RPS6KA2: variants seen among roughly 807,000 people sequenced by gnomAD.
The protein encoded by RPS6KA2 is ribosomal protein S6 kinase A2.
RPS6KA2 carries 42 observed loss-of-function variants against 91.8 expected under a neutral mutation model. That is an observed-to-expected ratio of 0.46 (90% CI 0.36 to 0.59). The LOEUF (loss-of-function observed/expected upper bound fraction) is 0.59. RPS6KA2 is among the 20% of genes least tolerant of loss of function. RPS6KA2 has a pLI of 0.00. For synonymous variants in RPS6KA2, 414 were observed against 393.6 expected (o/e 1.05, Z -0.61); for missense variants, 798 against 978.5 (o/e 0.82, Z 2.46).
exon 1 of RPS6KA2, chr6:166,862,293 C>T (rs1252298046): frequency 1.3e-6 from 2 of 1,566,682 alleles, no homozygotes; most frequent in Non-Finnish European, 1.7e-6. Context: ...CAGAGGCCGG[C>T]GGGTGGCGGC....
At chr6:166,831,649 C>G (rs993777399) in intron 2 of RPS6KA2, among the ~76,000 whole-genome samples, 17 of 151,078 alleles carry the variant, frequency 1.1e-4, no homozygotes, top group South Asian at 2.1e-4. Flanking sequence ...GGCCTGGGCT[C>G]GGTAGCAAAA....
chr6:166,753,180 G>T (rs981004145), intron 2 of RPS6KA2, among the ~76,000 whole-genome samples: 1 of 152,094 alleles, frequency 6.6e-6, no homozygotes, highest in Non-Finnish European at 1.5e-5. Context: ...CTTGTTCATG[G>T]TTTCACCCCA....
At chr6:166,656,637 C>T (rs2128555835) in intron 2 of RPS6KA2, among the ~76,000 whole-genome samples, 1 of 152,336 alleles carries the variant, frequency 6.6e-6, no homozygotes, top group Non-Finnish European at 1.5e-5. Flanking sequence ...ATGAAGCAGC[C>T]CCGATTTCCC....
chr6:166,688,173 C>T (rs1018472376), intron 2 of RPS6KA2, among the ~76,000 whole-genome samples: 3 of 152,166 alleles, frequency 2.0e-5, no homozygotes, highest in African/African-American at 7.2e-5. Context: ...GCAGGGCTTC[C>T]AGGTTCACTG....
At chr6:166,455,937 G>A (rs1225225723) in intron 12 of RPS6KA2, among the ~76,000 whole-genome samples, 1 of 152,238 alleles carries the variant, frequency 6.6e-6, no homozygotes, top group African/African-American at 2.4e-5. Context: ...GCTTATTCTG[G>A]GGAATCCGCA....
chr6:166,426,568 GA>G (rs905853563), intron 16 of RPS6KA2, among the ~76,000 whole-genome samples: 1 of 23,724 alleles, frequency 4.2e-5, no homozygotes, highest in African/African-American at 2.2e-4. Flanking sequence ...GACTAATAAA[GA>G]AAAAAAGAGA....
chr6:166,517,949 G>A (rs1782715509), intron 3 of RPS6KA2, among the ~76,000 whole-genome samples: 1 of 152,106 alleles, frequency 6.6e-6, no homozygotes, highest in South Asian at 2.1e-4. Context: ...GTAAATATGT[G>A]GGTAAATCTC....
chr6:166,834,271 A>G (rs1780260847), intron 2 of RPS6KA2, among the ~76,000 whole-genome samples: 1 of 152,112 alleles, frequency 6.6e-6, no homozygotes, highest in Non-Finnish European at 1.5e-5. Context: ...TTTAATCTGC[A>G]TATCCTAAAT....
At position 166,423,442 on chromosome 6, in the gene RPS6KA2, T is replaced by G; in HGVS notation, c.1582-25A>C. ...CCTGCAAGACAGAAGGCACAGTGCC[T>G]ACTTGGGGGCTGAGGACTGAGCAGG... On this transcript the variant is annotated intron_variant, in intron 16 of 20. Transcript: ENST00000265678. This position sits in a 1 kb window ranked among gnomAD's most constrained non-coding sequence, Gnocchi z 4.8. 6.3e-7 allele frequency: 1 copy of G among 1,593,596 alleles called. No individual in the cohort carries two copies. The highest frequency in any genetic ancestry group is 8.6e-7 in the Non-Finnish European group (1 of 1,164,450).
intron 2 of RPS6KA2, among the ~76,000 whole-genome samples, chr6:166,834,155 A>G (rs1203968618): frequency 1.3e-5 from 2 of 152,210 alleles, no homozygotes; most frequent in East Asian, 1.9e-4. Flanking sequence ...TCCCACCAAC[A>G]ACGGAAGAGA....
chr6:166,664,800 T>C (rs1788268838), intron 2 of RPS6KA2, among the ~76,000 whole-genome samples: 1 of 152,160 alleles, frequency 6.6e-6, no homozygotes, highest in African/African-American at 2.4e-5. Context: ...GAGAGTGTGC[T>C]AGAAAAGAAA....
intron 3 of RPS6KA2, among the ~76,000 whole-genome samples, chr6:166,517,450 GTTTTGTTTTTTTTTTTTTTTTTT>G (rs1782687344): frequency 1.2e-5 from 1 of 83,800 alleles, no homozygotes; most frequent in African/African-American, 6.7e-5. Context: ...GCGTTCTTTT[GTTTTGTTTTTTTTTTTTTTTTTT>G]TTTTTTTTTT....
chr6:166,740,739 G>A (rs1790789128), intron 2 of RPS6KA2, among the ~76,000 whole-genome samples: 1 of 152,228 alleles, frequency 6.6e-6, no homozygotes, highest in Non-Finnish European at 1.5e-5. Flanking sequence ...CAGTAACCCA[G>A]TGGAAATATA....
chr6:166,563,663 T>G lies in RPS6KA2; in HGVS notation c.100-24879A>C, dbSNP rs552634461. Among the ~76,000 whole-genome samples, 2 of 152,092 alleles carry G rather than the reference T, an allele frequency of 1.3e-5. No homozygotes were observed. The highest frequency in any genetic ancestry group is 4.2e-4 in the South Asian group (2 of 4,810). Reference sequence around the variant, plus strand: ...CCAGGCAGATCTTGTGGGCAAGGTATCTGCTTAAAGACATTGATGGATTTT... The same window carrying G: ...CCAGGCAGATCTTGTGGGCAAGGTAGCTGCTTAAAGACATTGATGGATTTT... On this transcript the variant is annotated intron_variant, in intron 1 of 20. Transcript: ENST00000265678. This position sits in a 1 kb window ranked among gnomAD's most constrained non-coding sequence, Gnocchi z 4.1.
intron 10 of RPS6KA2, among the ~76,000 whole-genome samples, chr6:166,473,403 G>T (rs1780845110): frequency 6.6e-6 from 1 of 152,132 alleles, no homozygotes; most frequent in Admixed American, 6.5e-5. Flanking sequence ...TGTTGCCCAG[G>T]CTGGTGTCAA....
At chr6:166,449,803 G>GGACCACCACGGGACAACCACGA (rs1779798535) in intron 13 of RPS6KA2, among the ~76,000 whole-genome samples, 1 of 111,574 alleles carries the variant, frequency 9.0e-6, no homozygotes, top group African/African-American at 3.2e-5. Context: ...AGCCACCACG[G>GGACCACCACGGGACAACCACGA]GGACCACCAT....
rs200684370 is a variant in RPS6KA2 at position 166,586,147 on chromosome 6, G to A, written c.99+40774C>T. 5.7e-3 allele frequency: 8,750 copies of A among 1,542,072 alleles called. 558 individuals are homozygous for A. In the Admixed American group the frequency reaches 0.11, roughly 19 times the overall value. The stretch of plus-strand genomic sequence containing the variant: ...CAGTAGTAACCGTAAGGAGGCCGCT[G>A]GTTGTAACCATAATGTCCATATTGC... On this transcript the variant is annotated intron_variant, in intron 1 of 20. Transcript: ENST00000265678.
intron 10 of RPS6KA2, among the ~76,000 whole-genome samples, chr6:166,483,395 C>A (rs964728958): frequency 6.6e-6 from 1 of 152,214 alleles, no homozygotes; most frequent in African/African-American, 2.4e-5. Context: ...CTGGATCCTG[C>A]TCTCACACAT....
At chr6:166,506,909 G>A (rs368116529) in intron 5 of RPS6KA2, among the ~76,000 whole-genome samples, 1 of 152,176 alleles carries the variant, frequency 6.6e-6, no homozygotes. Flanking sequence ...CACTGCCATG[G>A]GCAGAATCTG....
Sources: gnomAD v4.1 joint callset for allele counts (sites outside exome capture counted in the v4.1 genomes callset) on GRCh38, gnomAD v4.1.1 for gene constraint, Gnocchi (gnomAD v3.1) non-coding constraint, MANE v1.5 for transcripts, NCBI Gene and HGNC (gene_info 2026-07-23, HGNC 2026-07-21) for gene names.